OPHN1: variants seen among roughly 807,000 people sequenced by gnomAD.
The protein encoded by OPHN1 is oligophrenin-1.
A neutral mutation model predicts 60.7 loss-of-function variants in OPHN1; 11 were observed. The ratio of observed to expected loss-of-function variants is 0.18; its 90% CI spans 0.11 to 0.30. OPHN1 has a LOEUF of 0.30. Ranked by LOEUF, OPHN1 falls within the 10% of genes least tolerant of loss-of-function variation. The pLI, the probability that OPHN1 is intolerant of heterozygous loss-of-function variation, is 1.00. For synonymous variants in OPHN1, 226 were observed against 222.6 expected (o/e 1.02, Z -0.14); for missense variants, 449 against 611.0 (o/e 0.73, Z 2.80).
intron 2 of OPHN1, among the ~76,000 whole-genome samples, chrX:68,368,947 G>A (rs758819722): frequency 2.6e-4 from 29 of 111,892 alleles, no homozygotes; most frequent in African/African-American, 7.5e-4. Flanking sequence ...AGTGGCTCAC[G>A]CCTGTAATCC....
intron 2 of OPHN1, among the ~76,000 whole-genome samples, chrX:68,401,636 G>T (rs1319006613): frequency 8.9e-6 from 1 of 112,022 alleles, no homozygotes; most frequent in African/African-American, 3.2e-5. Context: ...AGGAGATGTA[G>T]ATTGTCCCAA....
intron 19 of OPHN1, among the ~76,000 whole-genome samples, chrX:68,091,906 G>T (rs1016260657): frequency 9.0e-6 from 1 of 111,213 alleles, no homozygotes; most frequent in African/African-American, 3.3e-5. Flanking sequence ...TTGTTCTAGG[G>T]AATCAGTGTA....
intron 2 of OPHN1, among the ~76,000 whole-genome samples, chrX:68,368,637 CT>C (rs2147727017): frequency 9.0e-6 from 1 of 111,550 alleles, no homozygotes; most frequent in African/African-American, 3.3e-5. Flanking sequence ...GAGGACTAAG[CT>C]TTCACCTTGA....
At position 68,267,911 on chromosome X, in the gene OPHN1, T is replaced by C. The variant is rs995845035; in HGVS notation, c.384+6827A>G. ...TCAGAGAATACTATAAACACCTCTA[T>C]GCAAATAAACTAGAAAATCTAGAAG... On this transcript the variant is annotated intron_variant, in intron 5 of 24. Transcript: ENST00000355520. Among the ~76,000 whole-genome samples the C allele has an allele frequency of 2.7e-5, 3 of 111,807 alleles. No homozygotes were observed. The South Asian group carries it at 1.1e-3, about 42-fold the overall frequency.
intron 11 of OPHN1, among the ~76,000 whole-genome samples, chrX:68,200,937 T>C (rs1461454051): frequency 8.9e-6 from 1 of 112,342 alleles, no homozygotes; most frequent in East Asian, 2.8e-4. Context: ...AAAGCATGTC[T>C]TTCTCCACAA....
intron 24 of OPHN1, among the ~76,000 whole-genome samples, chrX:68,047,843 T>C (rs1848053102): frequency 8.9e-6 from 1 of 112,190 alleles, no homozygotes; most frequent in Admixed American, 9.4e-5. Context: ...GTGATATGCA[T>C]CAAATGAAAT....
At chrX:68,394,118 A>G (rs1367210808) in intron 2 of OPHN1, among the ~76,000 whole-genome samples, 407 of 79,358 alleles carry the variant, frequency 5.1e-3, no homozygotes, top group Admixed American at 5.7e-3. Flanking sequence ...GATGGTCTCG[A>G]TCTCCTGACC....
intron 10 of OPHN1, 94 bp downstream of exon 10, chrX:68,206,479 G>C (rs973673368): frequency 3.4e-5 from 23 of 669,668 alleles, no homozygotes; most frequent in Admixed American, 1.2e-4. Context: ...TAACAGTGAT[G>C]AACTTGATGA....
At chrX:68,079,024 T>TAAAG (rs1156831563) in intron 19 of OPHN1, among the ~76,000 whole-genome samples, 2 of 108,420 alleles carry the variant, frequency 1.8e-5, no homozygotes, top group African/African-American at 6.7e-5. Context: ...AATAAATAAA[T>TAAAG]AAAGTAAACA....
At chrX:68,385,903 G>A (rs931703289) in intron 2 of OPHN1, among the ~76,000 whole-genome samples, 4 of 112,103 alleles carry the variant, frequency 3.6e-5, no homozygotes, top group African/African-American at 1.3e-4. Flanking sequence ...CAAGTTGTTC[G>A]CTCTGCTGGT....
At chrX:68,186,782 G>A (rs957972767) in intron 15 of OPHN1, among the ~76,000 whole-genome samples, 1 of 111,341 alleles carries the variant, frequency 9.0e-6, no homozygotes. Context: ...TTCATATGGT[G>A]TAAAGAGAGT....
chrX:68,245,164 C>T (rs1462565661), intron 5 of OPHN1, among the ~76,000 whole-genome samples: 2 of 111,223 alleles, frequency 1.8e-5, no homozygotes, highest in Non-Finnish European at 1.9e-5. Context: ...ACACAGCACA[C>T]CCCTAAATGA....
At chrX:68,413,439 A>G (rs911432898) in intron 2 of OPHN1, among the ~76,000 whole-genome samples, 1 of 111,398 alleles carries the variant, frequency 9.0e-6, no homozygotes, top group African/African-American at 3.3e-5. Flanking sequence ...CCACACCCAC[A>G]TGTTACTGTT....
intron 15 of OPHN1, among the ~76,000 whole-genome samples, chrX:68,189,529 C>T (rs1349479403): frequency 1.9e-5 from 2 of 106,836 alleles, no homozygotes; most frequent in African/African-American, 6.9e-5. Flanking sequence ...CAACAGGCCC[C>T]AGTGTGTGAT....
chrX:68,222,803 A>T (rs2077668456), intron 6 of OPHN1, among the ~76,000 whole-genome samples: 1 of 81,101 alleles, frequency 1.2e-5, no homozygotes, highest in Admixed American at 1.4e-4. Flanking sequence ...GGGGAGGGAT[A>T]GCATCGGCAG....
intron 5 of OPHN1, among the ~76,000 whole-genome samples, chrX:68,260,164 C>G (rs765745590): frequency 1.4e-4 from 15 of 108,644 alleles, no homozygotes; most frequent in Admixed American, 6.9e-4. Context: ...TTTTCAGTAA[C>G]ACCCCGACTC....
chrX:68,317,345 A>AAGAG (rs2078205097), intron 2 of OPHN1, among the ~76,000 whole-genome samples: 1 of 51,284 alleles, frequency 1.9e-5, no homozygotes, highest in Non-Finnish European at 3.4e-5. Context: ...AGAGGAAAGA[A>AAGAG]AGAAAGAAAG....
intron 2 of OPHN1, among the ~76,000 whole-genome samples, chrX:68,333,089 A>T (rs1159027988): frequency 3.6e-5 from 4 of 110,426 alleles, no homozygotes; most frequent in African/African-American, 1.3e-4. Flanking sequence ...CATAGTATAT[A>T]TAACGGTGGC....
intron 2 of OPHN1, among the ~76,000 whole-genome samples, chrX:68,416,222 T>C (rs1602404431): frequency 9.3e-6 from 1 of 107,564 alleles, no homozygotes; most frequent in East Asian, 2.9e-4. Flanking sequence ...TTGCATTTTT[T>C]TGTACAGGCA....
Sources: allele counts gnomAD v4.1 joint callset (sites outside exome capture counted in the v4.1 genomes callset), GRCh38; gene constraint gnomAD v4.1.1; transcripts MANE v1.5; gene names NCBI Gene and HGNC (gene_info 2026-07-23, HGNC 2026-07-21).